Variants in KIZ observed in about 807,000 individuals in gnomAD.
KIZ encodes the protein centrosomal protein kizuna.
Under a neutral mutation model 79.6 loss-of-function variants are expected in KIZ, and 68 were observed. The ratio of observed to expected loss-of-function variants is 0.85; its 90% CI spans 0.70 to 1.05. KIZ has a LOEUF of 1.05. KIZ is among the 50% of genes least tolerant of loss of function. The probability of loss-of-function intolerance (pLI) is 0.00; values close to 1 mark genes in which losing one functional copy is unlikely to be tolerated. For synonymous variants in KIZ, 280 were observed against 281.8 expected (o/e 0.99, Z 0.06); for missense variants, 797 against 800.4 (o/e 1.00, Z 0.05).
At chr20:21,193,536 C>A (rs2035203119) in intron 6 of KIZ, among the ~76,000 whole-genome samples, 1 of 152,032 alleles carries the variant, frequency 6.6e-6, no homozygotes, top group Non-Finnish European at 1.5e-5. Context: ...AGTCATGCTG[C>A]TATAAAGACA....
chr20:21,238,330 G>GGTGT (rs11087348), intron 11 of KIZ, among the ~76,000 whole-genome samples: 151 of 150,216 alleles, frequency 1.0e-3, no homozygotes, highest in African/African-American at 2.7e-3. Flanking sequence ...TCTGCATAAG[G>GGTGT]GTGTGAGAGA....
chr20:21,239,798 C>T (rs2037155141), intron 11 of KIZ, among the ~76,000 whole-genome samples: 1 of 152,226 alleles, frequency 6.6e-6, no homozygotes, highest in Admixed American at 6.5e-5. Flanking sequence ...AAAACCTATT[C>T]TGTTGAAGTC....
At chr20:21,177,833 T>C (rs2034498243) in intron 6 of KIZ, among the ~76,000 whole-genome samples, 1 of 152,132 alleles carries the variant, frequency 6.6e-6, no homozygotes, top group African/African-American at 2.4e-5. Flanking sequence ...TAAAAGACTG[T>C]CCTTTCCTCA....
chr20:21,180,266 C>A (rs2034598832), intron 6 of KIZ, among the ~76,000 whole-genome samples: 1 of 145,670 alleles, frequency 6.9e-6, no homozygotes, highest in Admixed American at 6.9e-5. Context: ...TAAGGAAATT[C>A]AGGCAGTTTT....
intron 10 of KIZ, among the ~76,000 whole-genome samples, chr20:21,230,879 T>C (rs1342783421): frequency 6.6e-6 from 1 of 152,186 alleles, no homozygotes; most frequent in East Asian, 1.9e-4. Context: ...TTAGAAAGAA[T>C]GTATTCAACA....
chr20:21,162,381 C>T lies in KIZ; in HGVS notation c.916C>T (p.Arg306Trp), dbSNP rs754934073. Residue 306 changes from arginine to tryptophan, a missense_variant, in exon 5 of 13, where the codon CGG (arginine) becomes TGG (tryptophan). Arg to Trp is a moderately radical substitution (Grantham distance 101, BLOSUM62 -3). Coordinates refer to ENST00000619189, the MANE Select transcript of KIZ (RefSeq NM_018474.6). ...SSGSEGEILTREHIEVEEKRA... is the reference protein window; with the variant it reads ...SSGSEGEILTWEHIEVEEKRA... ...CGGATCAGAGGGAGAAATACTGACA[C>T]GGGAACATATTGAAGTTGAGGAAAA... 37 of 1,613,618 alleles carry T rather than the reference C, an allele frequency of 2.3e-5. No individual in the cohort carries two copies. Among genetic ancestry groups the T allele is most frequent in the African/African-American group, 6.7e-5 (5 of 74,884 alleles).
At chr20:21,175,493 G>C (rs2034395304) in intron 6 of KIZ, among the ~76,000 whole-genome samples, 1 of 152,168 alleles carries the variant, frequency 6.6e-6, no homozygotes, top group Non-Finnish European at 1.5e-5. Flanking sequence ...TCTAGCCTCA[G>C]TCAGAAGAAC....
intron 3 of KIZ, chr20:21,144,160 T>C (rs1234554732): frequency 6.6e-6 from 1 of 152,206 alleles, no homozygotes; most frequent in Non-Finnish European, 1.5e-5. Flanking sequence ...AAAACTCTCA[T>C]ATTTCTATGA....
intron 3 of KIZ, among the ~76,000 whole-genome samples, chr20:21,137,942 T>C (rs928462249): frequency 1.3e-5 from 2 of 152,132 alleles, no homozygotes; most frequent in African/African-American, 4.8e-5. Context: ...TGGCTAATTT[T>C]TTATTTTTTT....
intron 9 of KIZ, among the ~76,000 whole-genome samples, chr20:21,216,413 A>G (rs2036297110): frequency 6.6e-6 from 1 of 152,228 alleles, no homozygotes; most frequent in South Asian, 2.1e-4. Context: ...TTTGTTGTTT[A>G]TAAGCAGAAA....
chr20:21,159,973 C>G (rs1180203041), intron 4 of KIZ, among the ~76,000 whole-genome samples: 2 of 152,220 alleles, frequency 1.3e-5, no homozygotes, highest in Non-Finnish European at 2.9e-5. Context: ...TTCCCATCAG[C>G]AGTGTATGAT....
intron 6 of KIZ, among the ~76,000 whole-genome samples, chr20:21,191,927 G>A (rs1182161312): frequency 6.6e-6 from 1 of 151,842 alleles, no homozygotes; most frequent in East Asian, 1.9e-4. Context: ...AAAGCAGCCC[G>A]GAGCTCCCTT....
intron 7 of KIZ, among the ~76,000 whole-genome samples, chr20:21,212,544 A>G (rs2036111829): frequency 6.6e-6 from 1 of 152,256 alleles, no homozygotes; most frequent in African/African-American, 2.4e-5. Context: ...TATGATGTTC[A>G]GTAGGTTAGG....
Position 21,139,036 on chromosome 20 carries a change from G to C in KIZ, c.315+2484G>C, listed in dbSNP as rs539508975. 7.1e-5 allele frequency: 10 copies of C among 140,012 alleles called. No individual in the cohort carries two copies. The East Asian group carries it at 2.0e-3, about 28-fold the overall frequency. 8.7% of individuals were successfully genotyped at this position (140,012 alleles called of 1,614,324 possible). On this transcript the variant is annotated intron_variant, in intron 3 of 12. Transcript: ENST00000619189. ...CAACCCTGCTTAGCCTTCAAGATCA[G>C]ATGAGAGCAAGCGTGTTCAGGGTGG... is the stretch of plus-strand genomic sequence containing the variant.
intron 1 of KIZ, among the ~76,000 whole-genome samples, chr20:21,129,731 CAA>C (rs1358405199): frequency 1.6e-5 from 2 of 126,956 alleles, no homozygotes; most frequent in Non-Finnish European, 1.7e-5. Flanking sequence ...GACTCCATCT[CAA>C]AAAAAAAAAA....
intron 3 of KIZ, among the ~76,000 whole-genome samples, chr20:21,137,938 A>T (rs1213820385): frequency 1.3e-5 from 2 of 151,942 alleles, no homozygotes; most frequent in Non-Finnish European, 2.9e-5. Flanking sequence ...TGCCTGGCTA[A>T]TTTTTTATTT....
intron 10 of KIZ, among the ~76,000 whole-genome samples, chr20:21,232,488 G>A (rs2036866509): frequency 6.6e-6 from 1 of 152,148 alleles, no homozygotes; most frequent in Non-Finnish European, 1.5e-5. Flanking sequence ...GAACTCTTTG[G>A]ATGATTTCAG....
At chr20:21,234,861 G>A (rs1248036728) in intron 11 of KIZ, among the ~76,000 whole-genome samples, 1 of 151,978 alleles carries the variant, frequency 6.6e-6, no homozygotes, top group African/African-American at 2.4e-5. Context: ...TACAGCTGAG[G>A]GATTTTACTT....
chr20:21,243,433 T>C (rs910803), intron 11 of KIZ, among the ~76,000 whole-genome samples: 136,601 of 152,196 alleles, frequency 0.9, 61,689 homozygotes, highest in Non-Finnish European at 0.96. Context: ...AGGCCCTGGC[T>C]GTGAGAAGGG....
Sources: gnomAD v4.1 joint callset for allele counts (sites outside exome capture counted in the v4.1 genomes callset) on GRCh38, gnomAD v4.1.1 for gene constraint, MANE v1.5 for transcripts, NCBI Gene and HGNC (gene_info 2026-07-23, HGNC 2026-07-21) for gene names.